Variants in AGBL1 observed in about 807,000 individuals in gnomAD.
AGBL1 encodes cytosolic carboxypeptidase 4.
AGBL1 carries 130 observed loss-of-function variants against 118.9 expected under a neutral mutation model. The observed-to-expected ratio is 1.09, with a 90% confidence interval of 0.95 to 1.26. The LOEUF is 1.26. Ranked by LOEUF, AGBL1 falls within the 50% of genes most tolerant of loss-of-function variation. AGBL1 has a pLI of 0.00. For synonymous variants in AGBL1, 555 were observed against 478.9 expected, an observed-to-expected ratio of 1.16 and a Z score of -2.08; for missense variants, 1,584 against 1,298.1, an observed-to-expected ratio of 1.22 and a Z score of -3.38.
intron 1 of AGBL1, among the ~76,000 whole-genome samples, chr15:86,135,018 T>A (rs1172059809): frequency 2.0e-5 from 3 of 151,966 alleles, no homozygotes; most frequent in African/African-American, 4.8e-5. Flanking sequence ...AATGTTGGAG[T>A]TGGGGCCTAA....
chr15:86,315,990 A>G (rs2080001109), intron 17 of AGBL1, among the ~76,000 whole-genome samples: 1 of 152,202 alleles, frequency 6.6e-6, no homozygotes, highest in African/African-American at 2.4e-5. Context: ...TTAGTACAAC[A>G]AGTTAGAGAC....
intron 18 of AGBL1, among the ~76,000 whole-genome samples, chr15:86,522,109 A>G (rs1455066844): frequency 6.6e-6 from 1 of 152,160 alleles, no homozygotes; most frequent in Non-Finnish European, 1.5e-5. Flanking sequence ...ACTTTTGTAA[A>G]GTAACTTGGT....
chr15:86,929,689 C>T (rs2080582786), intron 23 of AGBL1, among the ~76,000 whole-genome samples: 1 of 152,192 alleles, frequency 6.6e-6, no homozygotes, highest in Non-Finnish European at 1.5e-5. Context: ...ATCCATCAGC[C>T]TGGTGATCTT....
chr15:86,738,051 C>G (rs2077626422), intron 22 of AGBL1, among the ~76,000 whole-genome samples: 1 of 152,056 alleles, frequency 6.6e-6, no homozygotes. Context: ...ACCATATGTT[C>G]ATCTCTACAG....
rs760887657 is a variant in AGBL1 at position 86,315,211 on chromosome 15, AG to A, written c.2374+19805del. ...TTCTAATGGTGAAACTCAAATGGAT[AG>A]GCAAGCTACTGAAATGTAATGTCAA... On this transcript the variant is annotated intron_variant, in intron 17 of 22. Coordinates refer to ENST00000614907, the MANE Select transcript of AGBL1 (RefSeq NM_001386094.1). 1.3e-3 allele frequency among the ~76,000 whole-genome samples: 205 copies of A among 152,330 alleles called. 2 individuals are homozygous for A. Among genetic ancestry groups the A allele is most frequent in the Non-Finnish European group, 2.1e-3 (143 of 68,024 alleles).
chr15:86,399,660 A>G (rs1415525076), intron 18 of AGBL1, among the ~76,000 whole-genome samples: 1 of 152,152 alleles, frequency 6.6e-6, no homozygotes, highest in Non-Finnish European at 1.5e-5. Flanking sequence ...AAATGCTTAC[A>G]CCACCAAACC....
intron 6 of AGBL1, among the ~76,000 whole-genome samples, chr15:86,240,443 C>T (rs866703399): frequency 6.6e-6 from 1 of 152,150 alleles, no homozygotes; most frequent in Non-Finnish European, 1.5e-5. Flanking sequence ...GACACAACTA[C>T]CTTTATTCTT....
chr15:86,119,849 G>C (rs1258174572), intron 1 of AGBL1, among the ~76,000 whole-genome samples: 2 of 152,094 alleles, frequency 1.3e-5, no homozygotes, highest in Admixed American at 6.6e-5. Flanking sequence ...CCCCACAAGG[G>C]ACAAAAGTAG....
chr15:86,112,205 C>T (rs929424091), intron 1 of AGBL1, among the ~76,000 whole-genome samples: 1 of 152,082 alleles, frequency 6.6e-6, no homozygotes, highest in Non-Finnish European at 1.5e-5. Flanking sequence ...CCCACACCCA[C>T]CCTGTCATGA....
In AGBL1 at chr15:86,272,976, GA is replaced by G. The variant is rs573711353; in HGVS notation, c.2075+1279del. Among the ~76,000 whole-genome samples, 106 of 150,602 alleles carry G rather than the reference GA, an allele frequency of 7.0e-4. 1 individual carries two copies. Among genetic ancestry groups the G allele is most frequent in the Middle Eastern group, 3.4e-3 (1 of 292 alleles). On this transcript the variant is annotated intron_variant, in intron 15 of 22. Transcript: ENST00000614907. ...TCAAGGTGATAGTCTGTAACTGCAG[GA>G]AAAAAAAATGAAAACCTACTTTTGG...
intron 17 of AGBL1, among the ~76,000 whole-genome samples, chr15:86,353,091 C>T (rs2080656602): frequency 1.3e-5 from 2 of 152,156 alleles, no homozygotes; most frequent in South Asian, 4.1e-4. Context: ...GGAAAGATGG[C>T]TGACCAAAAC....
intron 19 of AGBL1, among the ~76,000 whole-genome samples, chr15:86,526,472 C>T (rs779258718): frequency 1.3e-4 from 20 of 149,532 alleles, no homozygotes; most frequent in Non-Finnish European, 2.5e-4. Context: ...CAACCTAAGT[C>T]CCCATCAATT....
At chr15:86,535,982 A>G (rs1179956117) in intron 19 of AGBL1, among the ~76,000 whole-genome samples, 4 of 152,190 alleles carry the variant, frequency 2.6e-5, no homozygotes, top group African/African-American at 9.7e-5. Context: ...AGGATATGGT[A>G]GGAAAAGAAC....
In AGBL1 at chr15:86,279,803, A is replaced by G; in HGVS notation, c.2220+20A>G. 1 of 1,612,850 alleles carries G rather than the reference A, an allele frequency of 6.2e-7. No homozygotes were observed. Among genetic ancestry groups the G allele is most frequent in the Non-Finnish European group, 8.5e-7 (1 of 1,179,086 alleles). Reference sequence around the variant, plus strand: ...CTCATGGTAACTTCCTCTTTATAGCATCACTCCAGCAGGACTGAAGGGGCT... The same window carrying G: ...CTCATGGTAACTTCCTCTTTATAGCGTCACTCCAGCAGGACTGAAGGGGCT... On this transcript the variant is annotated intron_variant, in intron 16 of 22. Transcript: ENST00000614907.
intron 5 of AGBL1, among the ~76,000 whole-genome samples, chr15:86,172,380 T>A (rs910823295): frequency 3.3e-5 from 5 of 152,180 alleles, no homozygotes; most frequent in Admixed American, 6.6e-5. Context: ...ATATTTCAAA[T>A]CTTCTAGTTA....
chr15:86,739,139 C>A (rs1030285067), intron 22 of AGBL1, among the ~76,000 whole-genome samples: 1 of 151,780 alleles, frequency 6.6e-6, no homozygotes, highest in East Asian at 1.9e-4. Context: ...GAAGCAAGAC[C>A]CTGTTTCAAA....
chr15:86,295,091 C>A (rs571375943), intron 16 of AGBL1, among the ~76,000 whole-genome samples, 164 bp from the exon 17 acceptor site: 4 of 152,328 alleles, frequency 2.6e-5, no homozygotes, highest in South Asian at 2.1e-4. Context: ...GTTTCTCCTA[C>A]ACAGTAGAAA....
chr15:86,798,758 G>T (rs952256989), intron 22 of AGBL1, among the ~76,000 whole-genome samples: 8 of 149,492 alleles, frequency 5.4e-5, no homozygotes, highest in Admixed American at 3.4e-4. Context: ...AGGTTGAGGA[G>T]CCCAGAGTCC....
chr15:86,832,061 C>G (rs966453260), intron 22 of AGBL1, among the ~76,000 whole-genome samples: 1 of 152,234 alleles, frequency 6.6e-6, no homozygotes, highest in African/African-American at 2.4e-5. Context: ...GGCCTGAGCT[C>G]TATGTCGGCC....
Sources: gnomAD v4.1 joint callset for allele counts (sites outside exome capture counted in the v4.1 genomes callset) on GRCh38, gnomAD v4.1.1 for gene constraint, MANE v1.5 for transcripts, NCBI Gene and HGNC (gene_info 2026-07-23, HGNC 2026-07-21) for gene names.